Variants in FBN3 observed in about 807,000 individuals in gnomAD.
FBN3 encodes fibrillin 3, also known as fibrillin-3.
A neutral mutation model predicts 330.1 loss-of-function variants in FBN3; 234 were observed. The observed-to-expected ratio is 0.71, with a 90% CI of 0.64 to 0.79. The LOEUF (loss-of-function observed/expected upper bound fraction) is 0.79. Among genes scored for constraint, FBN3 ranks in the 30% least tolerant of loss-of-function variants. The pLI, the probability that FBN3 is intolerant of heterozygous loss-of-function variation, is 0.00. For missense variants in FBN3, 3,606 were observed against 3,886.9 expected (o/e 0.93, Z 1.92); for synonymous variants, 1,458 against 1,517.3 (o/e 0.96, Z 0.91).
chr19:8,072,996 T>TGTGTGC (rs2145363612), intron 62 of FBN3, 67 bp downstream of exon 62: 2 of 897,204 alleles, frequency 2.2e-6, no homozygotes, highest in Admixed American at 3.9e-5. Context: ...TGTGTGTGTG[T>TGTGTGC]GTGTGTGCGT....
At chr19:8,132,492 C>T (rs1049722788) in intron 14 of FBN3, among the ~76,000 whole-genome samples, 12 of 151,726 alleles carry the variant, frequency 7.9e-5, no homozygotes, top group African/African-American at 2.9e-4. Flanking sequence ...TATAATGCAT[C>T]ACTTTTTTTT....
intron 34 of FBN3, 133 bp downstream of exon 34, chr19:8,110,712 G>GC (rs1209019959): frequency 6.6e-6 from 8 of 1,220,822 alleles, no homozygotes; most frequent in South Asian, 2.9e-5. Context: ...CAGGCAAGGC[G>GC]CCCCCCACCC....
intron 26 of FBN3, among the ~76,000 whole-genome samples, chr19:8,117,821 A>C (rs1338984676): frequency 2.0e-5 from 3 of 152,048 alleles, no homozygotes; most frequent in African/African-American, 7.3e-5. Flanking sequence ...ACAGACTCAC[A>C]AACACACCCT....
At chr19:8,126,240 C>CT in intron 21 of FBN3, 57 bp downstream of exon 21, 2 of 1,546,836 alleles carry the variant, frequency 1.3e-6, no homozygotes, top group Non-Finnish European at 1.8e-6. Flanking sequence ...GGGTGGTGCG[C>CT]CTGGTTGTGT....
At position 8,110,809 on chromosome 19, in the gene FBN3, C is replaced by T. The variant is rs1306069973; in HGVS notation, c.4333+36G>A. The T allele has an allele frequency of 3.7e-6, 6 of 1,613,418 alleles. No individual in the cohort carries two copies. The African/African-American group carries it at 6.7e-5, about 18-fold the overall frequency. Reference sequence around the variant, plus strand: ...CATGTCCCCTGCCCCAACTCCTGCTCTCTCCTCTCCCCTTCCAGCCCAGAT... The same window carrying T: ...CATGTCCCCTGCCCCAACTCCTGCTTTCTCCTCTCCCCTTCCAGCCCAGAT... On this transcript the variant is annotated intron_variant, in intron 34 of 63. Coordinates refer to ENST00000600128, the MANE Select transcript of FBN3 (RefSeq NM_032447.5).
chr19:8,135,936 G>GGGGGGGGGGGGGGGGGCCCCCCCCCCC, intron 13 of FBN3, 25 bp downstream of exon 13: 30 of 668,702 alleles, frequency 4.5e-5, no homozygotes, highest in East Asian at 7.9e-5. Flanking sequence ...GGAAGCCCCT[G>GGGGGGGGGGGGGGGGGCCCCCCCCCCC]CCCACCCGCC....
intron 40 of FBN3, among the ~76,000 whole-genome samples, chr19:8,101,871 C>T (rs2082334418): frequency 6.6e-6 from 1 of 152,250 alleles, no homozygotes; most frequent in Non-Finnish European, 1.5e-5. Flanking sequence ...CTGCCTTGCT[C>T]ACTTTAAAAT....
At chr19:8,080,112 G>A (rs555400587) in intron 59 of FBN3, among the ~76,000 whole-genome samples, 1 of 152,192 alleles carries the variant, frequency 6.6e-6, no homozygotes, top group African/African-American at 2.4e-5. Context: ...GTAAGCAAGC[G>A]GGCTTGGCTG....
chr19:8,071,913 C>A, intron 63 of FBN3, 135 bp downstream of exon 63: 1 of 886,988 alleles, frequency 1.1e-6, no homozygotes, highest in Non-Finnish European at 1.7e-6. Flanking sequence ...GGCACCATGA[C>A]ATGGGGAACC....
chr19:8,133,773 T>C (rs752952136), intron 13 of FBN3, among the ~76,000 whole-genome samples: 9 of 152,028 alleles, frequency 5.9e-5, no homozygotes, highest in Non-Finnish European at 1.2e-4. Flanking sequence ...TTTAAATGAT[T>C]AAATTTAGGT....
At chr19:8,107,668 G>A (rs1599358563) in intron 37 of FBN3, among the ~76,000 whole-genome samples, 1 of 151,836 alleles carries the variant, frequency 6.6e-6, no homozygotes, top group South Asian at 2.1e-4. Flanking sequence ...AAGGATAAGA[G>A]AGGGATGAGT....
rs561561779 is a variant in FBN3, at chr19:8,130,530, A to G, written c.2044+705T>C. On this transcript the variant is annotated intron_variant, in intron 16 of 63. Coordinates refer to ENST00000600128, the MANE Select transcript of FBN3 (RefSeq NM_032447.5). The stretch of plus-strand genomic sequence containing the variant: ...TGTCAAAAAAAAAAGAAAGAAAGAA[A>G]GAAAAGAAAGAGAAAGAAAGAGAGA... Among the ~76,000 whole-genome samples the G allele has an allele frequency of 5.1e-5, 6 of 116,960 alleles. No individual in the cohort carries two copies. In the South Asian group the frequency reaches 2.0e-3, roughly 39 times the overall value. 76.7% of individuals were successfully genotyped at this position (116,960 alleles called of 152,430 possible).
At chr19:8,066,302 T>C (rs2145320963) in intron 63 of FBN3, 42 bp from the exon 64 acceptor site, 2 of 1,422,676 alleles carry the variant, frequency 1.4e-6, no homozygotes, top group South Asian at 2.8e-5. Flanking sequence ...CCCAGGAGAA[T>C]CGGGATGTGG....
intron 53 of FBN3, among the ~76,000 whole-genome samples, 167 bp downstream of exon 53, chr19:8,087,658 G>C (rs568617803): frequency 3.5e-5 from 5 of 141,756 alleles, no homozygotes; most frequent in African/African-American, 8.0e-5. Context: ...CCAGGCTGGA[G>C]TGCAGTGGCA....
intron 16 of FBN3, among the ~76,000 whole-genome samples, chr19:8,130,596 G>GAAAA (rs2083105765): frequency 2.0e-4 from 2 of 10,196 alleles, no homozygotes; most frequent in African/African-American, 1.5e-3. Context: ...AAGAAAGAAA[G>GAAAA]AAAGAAAGAA....
Position 8,147,449 on chromosome 19 carries a change from C to T in FBN3, c.32G>A (p.Gly11Asp). 4 of 1,558,796 alleles carry T rather than the reference C, an allele frequency of 2.6e-6. No homozygotes were observed. Among genetic ancestry groups the T allele is most frequent in the Non-Finnish European group, 3.5e-6 (4 of 1,155,230 alleles). MTLEGLYLARGPLARLLLAWS... is the reference protein window; with the variant it reads MTLEGLYLARDPLARLLLAWS... ...GGCCAGCAGGAGCCGGGCCAGGGGG[C>T]CCCTTGCCAAATACAGACCCTCCAG... The change falls in exon 2 of 64, where the codon GGC becomes GAC. Residue 11 changes from glycine to aspartate, a missense_variant. By Grantham distance (94) the Gly-to-Asp change is moderately conservative. Transcript: ENST00000600128.
At position 8,133,068 on chromosome 19, in the gene FBN3, C is replaced by G. The variant is rs758047709; in HGVS notation, c.1630G>C (p.Gly544Arg). Residue 544 changes from glycine (G) to arginine (R), a missense_variant, in exon 14 of 64, where the codon GGC becomes CGC. Physicochemically the swap from Gly to Arg is moderately radical, Grantham distance 125. Coordinates refer to ENST00000600128, the MANE Select transcript of FBN3 (RefSeq NM_032447.5). ...ECATSTMCVN[G>R]VCLNEDGSFS... ...CTGCCATCCTCGTTGAGACACACGC[C>G]GTTGACGCACATGGTGCTGGTGGCA... 1.9e-6 allele frequency: 3 copies of G among 1,585,598 alleles called. No homozygotes were observed. Among genetic ancestry groups the G allele is most frequent in the Non-Finnish European group, 2.6e-6 (3 of 1,167,156 alleles).
intron 56 of FBN3, among the ~76,000 whole-genome samples, chr19:8,084,100 C>A (rs2081877699): frequency 6.6e-6 from 1 of 151,876 alleles, no homozygotes; most frequent in Non-Finnish European, 1.5e-5. Flanking sequence ...CCGCGGCCCT[C>A]CCCAGTCCTG....
At chr19:8,135,936 G>GGGCACACCCCCCCCCCCC in intron 13 of FBN3, 25 bp downstream of exon 13, 1 of 668,776 alleles carries the variant, frequency 1.5e-6, no homozygotes, top group Admixed American at 2.9e-5. Context: ...GGAAGCCCCT[G>GGGCACACCCCCCCCCCCC]CCCACCCGCC....
Sources: allele counts gnomAD v4.1 joint callset (sites outside exome capture counted in the v4.1 genomes callset), GRCh38; gene constraint gnomAD v4.1.1; transcripts MANE v1.5; gene names NCBI Gene and HGNC (gene_info 2026-07-23, HGNC 2026-07-21).